Variants in PCDH15 observed in about 807,000 individuals in gnomAD.
PCDH15 encodes the protein protocadherin related 15, also known as protocadherin-15.
A neutral mutation model predicts 178.5 loss-of-function variants in PCDH15; 129 were observed. The observed-to-expected ratio is 0.72, with a 90% CI of 0.63 to 0.84. The LOEUF (loss-of-function observed/expected upper bound fraction) is 0.84, where lower values mean the gene tolerates loss of function less well. Among genes scored for constraint, PCDH15 ranks in the 40% least tolerant of loss-of-function variants. PCDH15 has a pLI of 0.00. For missense variants in PCDH15, 2,230 were observed against 2,099.9 expected, an observed-to-expected ratio of 1.06 and a Z score of -1.21; for synonymous variants, 800 against 732.0, an observed-to-expected ratio of 1.09 and a Z score of -1.50.
At chr10:53,937,769 C>T (rs1332533535) in intron 25 of PCDH15, among the ~76,000 whole-genome samples, 2 of 152,098 alleles carry the variant, frequency 1.3e-5, no homozygotes, top group African/African-American at 4.8e-5. Context: ...GCCTGTTGCT[C>T]CTGTCTTGCT....
intron 2 of PCDH15, among the ~76,000 whole-genome samples, chr10:55,043,891 A>G (rs866204151): frequency 4.8e-4 from 73 of 151,904 alleles, no homozygotes; most frequent in African/African-American, 1.8e-3. Flanking sequence ...GGGATATGAG[A>G]GGGTATTTGA....
At chr10:54,417,068 T>G (rs1015636444) in intron 3 of PCDH15, among the ~76,000 whole-genome samples, 1 of 152,134 alleles carries the variant, frequency 6.6e-6, no homozygotes, top group Admixed American at 6.6e-5. Context: ...TTAATATGTT[T>G]TTGTAGAGAT....
At chr10:55,519,769 C>T (rs1841114358) in intron 2 of PCDH15, among the ~76,000 whole-genome samples, 1 of 151,056 alleles carries the variant, frequency 6.6e-6, no homozygotes, top group Admixed American at 6.6e-5. Context: ...TGTGAAATTA[C>T]ATTAAAAGCA....
intron 2 of PCDH15, among the ~76,000 whole-genome samples, chr10:55,510,776 A>G (rs1840862296): frequency 6.6e-6 from 1 of 151,028 alleles, no homozygotes; most frequent in South Asian, 2.1e-4. Flanking sequence ...TTATACTTTT[A>G]GAAATATTTT....
At chr10:55,473,349 A>G (rs1210558804) in intron 2 of PCDH15, among the ~76,000 whole-genome samples, 1 of 152,102 alleles carries the variant, frequency 6.6e-6, no homozygotes, top group Non-Finnish European at 1.5e-5. Context: ...AAAAAAGAAA[A>G]CCACCTAAAT....
intron 20 of PCDH15, among the ~76,000 whole-genome samples, chr10:53,996,000 T>C (rs2091826220): frequency 6.6e-6 from 1 of 152,190 alleles, no homozygotes; most frequent in Non-Finnish European, 1.5e-5. Context: ...ATAAAGTCTT[T>C]CACCCTCAAA....
intron 2 of PCDH15, among the ~76,000 whole-genome samples, chr10:55,375,189 T>C (rs2131994074): frequency 6.6e-6 from 1 of 152,254 alleles, no homozygotes; most frequent in African/African-American, 2.4e-5. Flanking sequence ...TACTTTTGAT[T>C]TTTTCTCTGC....
At chr10:54,653,695 A>G (rs898041689) in intron 2 of PCDH15, among the ~76,000 whole-genome samples, 4 of 152,186 alleles carry the variant, frequency 2.6e-5, no homozygotes, top group Non-Finnish European at 5.9e-5. Context: ...AAACGGATAC[A>G]CATCTTAAAA....
chr10:54,463,179 T>C (rs2077306321), intron 3 of PCDH15, among the ~76,000 whole-genome samples: 1 of 152,082 alleles, frequency 6.6e-6, no homozygotes, highest in Admixed American at 6.6e-5. Context: ...TGAATGCCAA[T>C]AGGCCAGTAA....
At chr10:55,517,146 G>T (rs1188228949) in intron 2 of PCDH15, among the ~76,000 whole-genome samples, 1 of 151,978 alleles carries the variant, frequency 6.6e-6, no homozygotes, top group Non-Finnish European at 1.5e-5. Context: ...CATGATTTTA[G>T]AGGTAAGAGA....
intron 23 of PCDH15, among the ~76,000 whole-genome samples, chr10:53,953,981 A>G (rs7093596): frequency 0.67 from 101,983 of 151,872 alleles, 34,759 homozygotes; most frequent in East Asian, 0.87. Flanking sequence ...TAGTAGAGAC[A>G]GGGTTTCACC....
intron 1 of PCDH15, among the ~76,000 whole-genome samples, chr10:54,746,538 T>C (rs1213214625): frequency 6.6e-6 from 1 of 152,196 alleles, no homozygotes; most frequent in Non-Finnish European, 1.5e-5. Flanking sequence ...CCTGATGTGA[T>C]TATCATGCAT....
At chr10:53,989,099 A>G (rs1036170191) in intron 21 of PCDH15, among the ~76,000 whole-genome samples, 1 of 152,184 alleles carries the variant, frequency 6.6e-6, no homozygotes, top group Non-Finnish European at 1.5e-5. Context: ...TTGGCCGCCT[A>G]TGAGTGGTTA....
intron 18 of PCDH15, among the ~76,000 whole-genome samples, chr10:54,056,929 G>A (rs1473133910): frequency 6.6e-6 from 1 of 152,136 alleles, no homozygotes; most frequent in African/African-American, 2.4e-5. Context: ...AAGGGCTACA[G>A]GCCCCACGCA....
At chr10:54,356,656 G>A (rs900449579) in intron 5 of PCDH15, among the ~76,000 whole-genome samples, 9 of 151,760 alleles carry the variant, frequency 5.9e-5, no homozygotes, top group Non-Finnish European at 1.0e-4. Flanking sequence ...TGTCTGACCA[G>A]TGAGTCTCAA....
intron 2 of PCDH15, among the ~76,000 whole-genome samples, chr10:55,610,471 C>T (rs1481543308): frequency 1.3e-5 from 2 of 151,938 alleles, no homozygotes; most frequent in East Asian, 3.9e-4. Context: ...CTTCCAATCT[C>T]GGTTACAAAG....
At chr10:53,959,288 C>T (rs1195163552) in intron 23 of PCDH15, among the ~76,000 whole-genome samples, 1 of 150,364 alleles carries the variant, frequency 6.7e-6, no homozygotes, top group African/African-American at 2.4e-5. Context: ...TATACACATG[C>T]ACTACATATT....
intron 18 of PCDH15, among the ~76,000 whole-genome samples, chr10:54,042,682 GGA>G (rs1402783244): frequency 1.3e-5 from 2 of 152,086 alleles, no homozygotes; most frequent in African/African-American, 4.8e-5. Context: ...CAAGTCATGT[GGA>G]GATATGAAGG....
intron 2 of PCDH15, among the ~76,000 whole-genome samples, chr10:55,437,704 TG>T: frequency 6.6e-6 from 1 of 152,078 alleles, no homozygotes; most frequent in Non-Finnish European, 1.5e-5. Context: ...TAACTGTAGC[TG>T]ATCTAGAAAA....
Sources: allele counts gnomAD v4.1 joint callset (sites outside exome capture counted in the v4.1 genomes callset), GRCh38; gene constraint gnomAD v4.1.1; transcripts MANE v1.5; gene names NCBI Gene and HGNC (gene_info 2026-07-23, HGNC 2026-07-21).